SETD3: variants seen among roughly 807,000 people sequenced by gnomAD.
SETD3 encodes the protein actin-histidine N-methyltransferase.
SETD3 carries 19 observed loss-of-function variants against 63.0 expected under a neutral mutation model. That is an observed-to-expected ratio of 0.30 (90% CI 0.21 to 0.44). SETD3 has a LOEUF of 0.44. Among genes scored for constraint, SETD3 ranks in the 20% least tolerant of loss-of-function variants. The pLI, the probability that SETD3 is intolerant of heterozygous loss-of-function variation, is 1.00. For missense variants in SETD3, 587 were observed against 728.5 expected (o/e 0.81, Z 2.24); for synonymous variants, 286 against 264.1 (o/e 1.08, Z -0.80).
intron 6 of SETD3, among the ~76,000 whole-genome samples, chr14:99,429,457 T>C (rs1893054536): frequency 6.6e-6 from 1 of 152,062 alleles, no homozygotes; most frequent in East Asian, 1.9e-4. Context: ...AGCCAAGAAA[T>C]CTAAACATAA....
chr14:99,434,393 G>T (rs192070656), intron 6 of SETD3, among the ~76,000 whole-genome samples: 3 of 152,246 alleles, frequency 2.0e-5, no homozygotes, highest in African/African-American at 4.8e-5. Flanking sequence ...CCCTGACATG[G>T]GTGGGGCACT....
intron 6 of SETD3, among the ~76,000 whole-genome samples, chr14:99,433,721 G>A (rs1196968365): frequency 6.6e-6 from 1 of 152,162 alleles, no homozygotes; most frequent in African/African-American, 2.4e-5. Context: ...ACACGTGTGA[G>A]CTACCACATC....
upstream of SETD3, chr14:99,481,149 C>G: frequency 2.9e-6 from 1 of 348,170 alleles, no homozygotes. Flanking sequence ...CCTACGCGCC[C>G]AAGTTCCGTT....
chr14:99,459,155 T>C lies in SETD3; in HGVS notation c.376A>G (p.Lys126Glu). The C allele has an allele frequency of 6.2e-7, 1 of 1,612,110 alleles. No homozygotes were observed. ...GCAGATTCAACAGTCATTAGCAATT[T>C]TCGTGGAACCCATAAAAACAATTCT... ...AEELFLWVPRKLLMTVESAKN... is the reference protein window; with the variant it reads ...AEELFLWVPRELLMTVESAKN... Residue 126 changes from lysine (K) to glutamate (E), a missense_variant, in exon 5 of 13, where the codon AAA becomes GAA. Transcript: ENST00000331768.
chr14:99,429,752 C>A (rs780114040), intron 6 of SETD3, among the ~76,000 whole-genome samples: 4 of 152,174 alleles, frequency 2.6e-5, no homozygotes, highest in African/African-American at 4.8e-5. Flanking sequence ...CACCAGGAGT[C>A]TTGAACAGAA....
intron 1 of SETD3, among the ~76,000 whole-genome samples, chr14:99,470,029 T>C (rs572756065): frequency 8.5e-5 from 13 of 152,346 alleles, no homozygotes; most frequent in East Asian, 3.9e-4. Context: ...GTAACCTCCC[T>C]AGCAAGGTCT....
chr14:99,439,775 A>G (rs1353742525), intron 6 of SETD3, among the ~76,000 whole-genome samples: 27 of 149,832 alleles, frequency 1.8e-4, no homozygotes, highest in Non-Finnish European at 4.4e-5. Context: ...TATACACATA[A>G]ATGTATGTAT....
chr14:99,477,663 G>C (rs150825691), intron 1 of SETD3, among the ~76,000 whole-genome samples: 4 of 145,046 alleles, frequency 2.8e-5, no homozygotes, highest in Admixed American at 7.1e-5. Flanking sequence ...TGAGGCAAGA[G>C]AATGAACCCA....
chr14:99,400,340 A>G, intron 11 of SETD3, 81 bp from the exon 12 acceptor site: 4 of 1,439,792 alleles, frequency 2.8e-6, no homozygotes, highest in Non-Finnish European at 3.8e-6. Context: ...CTTAGAAAAT[A>G]TTGTTTCCAA....
intron 11 of SETD3, among the ~76,000 whole-genome samples, chr14:99,403,216 T>C (rs552313208): frequency 6.6e-6 from 1 of 152,156 alleles, no homozygotes; most frequent in Non-Finnish European, 1.5e-5. Context: ...GCTGCACTGC[T>C]CCCTGGATCC....
upstream of SETD3, chr14:99,481,473 G>C (rs1595298670): frequency 2.5e-6 from 1 of 398,724 alleles, no homozygotes; most frequent in East Asian, 3.6e-5. Context: ...CTTGCCTGAA[G>C]CGAGGGGTGA....
At chr14:99,424,111 TA>T (rs1338173922) in intron 6 of SETD3, among the ~76,000 whole-genome samples, 3 of 152,186 alleles carry the variant, frequency 2.0e-5, no homozygotes, top group Non-Finnish European at 4.4e-5. Flanking sequence ...AGGTAATTAT[TA>T]AATTGTCCAC....
At chr14:99,414,981 C>T (rs575197840) in intron 6 of SETD3, among the ~76,000 whole-genome samples, 8 of 152,160 alleles carry the variant, frequency 5.3e-5, no homozygotes, top group Admixed American at 3.3e-4. Context: ...TGGCACCCTA[C>T]GCAGGACAGT....
intron 6 of SETD3, 39 bp downstream of exon 6, chr14:99,458,238 ACT>A (rs780906132): frequency 4.5e-5 from 71 of 1,579,232 alleles, no homozygotes; most frequent in Middle Eastern, 1.7e-4. Flanking sequence ...TTTCCTCCCC[ACT>A]CTGTGAAATA....
chr14:99,466,754 C>G (rs1454083593), intron 1 of SETD3, among the ~76,000 whole-genome samples: 1 of 152,070 alleles, frequency 6.6e-6, no homozygotes, highest in African/African-American at 2.4e-5. Flanking sequence ...GGGTGATAGT[C>G]ACTGCCAGAG....
chr14:99,452,780 C>T (rs1894530962), intron 6 of SETD3, among the ~76,000 whole-genome samples: 1 of 152,234 alleles, frequency 6.6e-6, no homozygotes, highest in Non-Finnish European at 1.5e-5. Flanking sequence ...TGCTGTCACT[C>T]CCAAAGTACC....
intron 6 of SETD3, among the ~76,000 whole-genome samples, chr14:99,446,893 C>A (rs1313246228): frequency 6.6e-6 from 1 of 152,048 alleles, no homozygotes; most frequent in Non-Finnish European, 1.5e-5. Context: ...GGGGCACCCT[C>A]CCCCAGGCTC....
At chr14:99,435,711 A>G (rs928595874) in intron 6 of SETD3, among the ~76,000 whole-genome samples, 1 of 150,544 alleles carries the variant, frequency 6.6e-6, no homozygotes, top group Non-Finnish European at 1.5e-5. Flanking sequence ...ACACACCTGT[A>G]GGAGAAACAA....
chr14:99,402,750 C>A (rs560230628), intron 11 of SETD3, among the ~76,000 whole-genome samples: 1 of 152,326 alleles, frequency 6.6e-6, no homozygotes, highest in East Asian at 1.9e-4. Context: ...CTAATACTTA[C>A]CCTCTTTGAA....
Sources: allele counts gnomAD v4.1 joint callset (sites outside exome capture counted in the v4.1 genomes callset), GRCh38; gene constraint gnomAD v4.1.1; transcripts MANE v1.5; gene names NCBI Gene and HGNC (gene_info 2026-07-23, HGNC 2026-07-21).